SI: variants seen among roughly 807,000 people sequenced by gnomAD.
SI encodes the protein sucrase-isomaltase.
In SI, 235 loss-of-function variants were observed where a neutral mutation model predicts 253.3. The ratio of observed to expected loss-of-function variants is 0.93; its 90% CI spans 0.83 to 1.03. The LOEUF is 1.03. SI is among the 50% of genes least tolerant of loss of function. The pLI is 0.00. For synonymous variants in SI, 819 were observed against 712.0 expected, an observed-to-expected ratio of 1.15 and a Z score of -2.39; for missense variants, 2,442 against 2,211.1, an observed-to-expected ratio of 1.10 and a Z score of -2.09.
chr3:165,006,829 T>G lies in SI; in HGVS notation c.4393A>C (p.Lys1465Gln). 1 of 1,612,806 alleles carries G rather than the reference T, an allele frequency of 6.2e-7. No homozygotes were observed. The highest frequency in any genetic ancestry group is 8.5e-7 in the Non-Finnish European group (1 of 1,179,128). Residue 1465 changes from lysine (K) to glutamine (Q), a missense_variant, in exon 37 of 48, where the codon AAA becomes CAA. Physicochemically the swap from Lys to Gln is moderately conservative, Grantham distance 53. Transcript: ENST00000264382. ...AACATTGCTTACTCATGAGTAGGTT[T>G]CATCTGTGACCATCCATAGAGATTG... Reference protein sequence around the residue: ...VHNLYGWSQMKPTHDALQKTT... With the variant: ...VHNLYGWSQMQPTHDALQKTT...
At chr3:164,984,117 A>C (rs1717326992) in intron 45 of SI, among the ~76,000 whole-genome samples, 1 of 152,174 alleles carries the variant, frequency 6.6e-6, no homozygotes, top group African/African-American at 2.4e-5. Flanking sequence ...CAATGTCTGG[A>C]ATCAAACCCA....
At position 164,992,243 on chromosome 3, in the gene SI, A is replaced by T; in HGVS notation, c.4927-10T>A. The T allele has an allele frequency of 6.2e-7, 1 of 1,612,920 alleles. No individual in the cohort carries two copies. On this transcript the variant is annotated splice_polypyrimidine_tract_variant and intron_variant, in intron 42 of 47. Coordinates refer to ENST00000264382, the MANE Select transcript of SI (RefSeq NM_001041.4). The stretch of plus-strand genomic sequence containing the variant: ...TTACAGTTTGAACATACTGGAATGT[A>T]AATAAATAGCCATTAGTTGTATATA...
chr3:165,084,453 T>C, the SI span, among the ~76,000 whole-genome samples: 1 of 152,060 alleles, frequency 6.6e-6, no homozygotes, highest in Non-Finnish European at 1.5e-5. Context: ...CTGAAGCAAA[T>C]TGACAAAACA....
chr3:165,088,758 GT>G, the SI span, among the ~76,000 whole-genome samples: 17 of 149,054 alleles, frequency 1.1e-4, no homozygotes, highest in African/African-American at 2.7e-4. Context: ...CATTTTAAAG[GT>G]TTTTTTTTTA....
At chr3:165,040,466 C>T (rs1007077338) in intron 18 of SI, among the ~76,000 whole-genome samples, 5 of 151,988 alleles carry the variant, frequency 3.3e-5, no homozygotes, top group African/African-American at 1.2e-4. Flanking sequence ...GTTCTACTTT[C>T]TTCACTTAAC....
At chr3:165,083,798 A>C in the SI span, among the ~76,000 whole-genome samples, 1 of 152,160 alleles carries the variant, frequency 6.6e-6, no homozygotes. Context: ...CTATTTGCAT[A>C]GATACACTGA....
intron 24 of SI, among the ~76,000 whole-genome samples, chr3:165,032,256 A>G (rs189595106): frequency 2.0e-4 from 30 of 151,342 alleles, no homozygotes; most frequent in Admixed American, 6.6e-4. Flanking sequence ...AAAGTCCCAT[A>G]TAATTAGAAT....
At chr3:165,054,745 A>T (rs767128764) in intron 13 of SI, among the ~76,000 whole-genome samples, 31 of 152,046 alleles carry the variant, frequency 2.0e-4, no homozygotes, top group Non-Finnish European at 3.7e-4. Context: ...GCCAATTTTT[A>T]TTTATTCTCT....
At chr3:165,051,807 T>C (rs1184426243) in intron 13 of SI, among the ~76,000 whole-genome samples, 1 of 151,852 alleles carries the variant, frequency 6.6e-6, no homozygotes, top group African/African-American at 2.4e-5. Flanking sequence ...AAAGTAAACA[T>C]TATTATGTAA....
At chr3:165,001,411 A>T (rs1718248755) in intron 37 of SI, among the ~76,000 whole-genome samples, 1 of 151,510 alleles carries the variant, frequency 6.6e-6, no homozygotes, top group African/African-American at 2.4e-5. Flanking sequence ...CTCACATTTC[A>T]AATAGTCACC....
chr3:165,032,378 A>G (rs1020694010), intron 24 of SI, 144 bp downstream of exon 24: 2 of 561,356 alleles, frequency 3.6e-6, no homozygotes, highest in Non-Finnish European at 6.2e-6. Flanking sequence ...AAAAGTGAAG[A>G]AAAAAATGAA....
chr3:164,996,704 A>C, intron 39 of SI, 34 bp downstream of exon 39: 1 of 1,256,906 alleles, frequency 8.0e-7, no homozygotes. Context: ...GAATGTTTAT[A>C]ATTTATGAAG....
At chr3:165,015,885 C>G (rs2290737) in intron 32 of SI, 67 bp downstream of exon 32, 145 of 1,364,078 alleles carry the variant, frequency 1.1e-4, no homozygotes, top group Middle Eastern at 5.4e-4. Context: ...TCTTCCCCCC[C>G]ACCTGCTCAT....
intron 34 of SI, 45 bp from the exon 35 acceptor site, chr3:165,009,440 A>G: frequency 1.0e-6 from 1 of 985,326 alleles, no homozygotes; most frequent in Non-Finnish European, 1.6e-6. Context: ...GTCTTAAGAG[A>G]GATTATATAC....
At chr3:165,076,291 T>C (rs1714968795) in intron 1 of SI, among the ~76,000 whole-genome samples, 1 of 151,748 alleles carries the variant, frequency 6.6e-6, no homozygotes, top group Non-Finnish European at 1.5e-5. Flanking sequence ...AGTAGTACAC[T>C]AAGATGAAAA....
rs1714392725 is a variant in SI at position 165,068,804 on chromosome 3, G to T, written c.401C>A (p.Pro134His). 1 of 1,611,672 alleles carries T rather than the reference G, an allele frequency of 6.2e-7. No individual in the cohort carries two copies. The highest frequency in any genetic ancestry group is 8.5e-7 in the Non-Finnish European group (1 of 1,179,294). The stretch of plus-strand genomic sequence containing the variant: ...GTCATTTCCAAATAGTGTAGGTGAA[G>T]GTATCCTGTTTAATTTGGCTTCAAC... ...IGVEAKLNRI[P>H]SPTLFGNDIN... The change falls in exon 5 of 48, where the codon CCT becomes CAT. Residue 134 changes from proline to histidine, a missense_variant. Transcript: ENST00000264382.
At chr3:165,053,449 G>A (rs2108239210) in intron 13 of SI, among the ~76,000 whole-genome samples, 1 of 152,250 alleles carries the variant, frequency 6.6e-6, no homozygotes, top group East Asian at 1.9e-4. Flanking sequence ...AAACCACTTA[G>A]CAGTGTGATA....
intron 38 of SI, among the ~76,000 whole-genome samples, chr3:164,997,442 C>CT (rs35001354): frequency 0.2 from 27,973 of 142,824 alleles, 3,637 homozygotes; most frequent in African/African-American, 0.38. Context: ...CGAAATGTTT[C>CT]TTTTTTTTTT....
Position 165,032,522 on chromosome 3 carries a change from C to G in SI, c.2736G>C (p.Gln912His), listed in dbSNP as rs746565689. 2.6e-5 allele frequency: 42 copies of G among 1,591,306 alleles called. No individual in the cohort carries two copies. In the Middle Eastern group the frequency reaches 6.7e-4, roughly 25 times the overall value. ...AAATATTTTAAAAGATTGTAATTAC[C>G]TGGTTAGAAGCATCATAAGTGAAAT... ...HSNFTYDASN[Q>H]VLLIADLKLN... The change falls in exon 24 of 48, where the codon CAG (glutamine) becomes CAC (histidine). Residue 912 changes from glutamine to histidine, a missense_variant and splice_region_variant. Gln to His is a conservative substitution (Grantham distance 24). Coordinates refer to ENST00000264382, the MANE Select transcript of SI (RefSeq NM_001041.4).
Sources: gnomAD v4.1 joint callset for allele counts (sites outside exome capture counted in the v4.1 genomes callset) on GRCh38, gnomAD v4.1.1 for gene constraint, MANE v1.5 for transcripts, NCBI Gene and HGNC (gene_info 2026-07-23, HGNC 2026-07-21) for gene names.